PSMD11: variants seen among roughly 807,000 people sequenced by gnomAD.
PSMD11 encodes 26S proteasome non-ATPase regulatory subunit 11.
A neutral mutation model predicts 62.3 loss-of-function variants in PSMD11; 5 were observed. The ratio of observed to expected loss-of-function variants is 0.08; its 90% CI spans 0.04 to 0.17. PSMD11 has a LOEUF of 0.17. Among genes scored for constraint, PSMD11 ranks in the 10% least tolerant of loss-of-function variants. PSMD11 has a pLI of 1.00. For missense variants in PSMD11, 310 were observed against 512.9 expected (o/e 0.60, Z 3.82); for synonymous variants, 191 against 191.8 (o/e 1.00, Z 0.03).
intron 3 of PSMD11, among the ~76,000 whole-genome samples, chr17:32,457,515 C>T (rs563854077): frequency 2.0e-4 from 30 of 152,278 alleles, no homozygotes; most frequent in African/African-American, 1.4e-4. Context: ...GGATTACAGG[C>T]GTGCAGCACT....
chr17:32,448,991 C>T (rs1567851084), intron 2 of PSMD11, among the ~76,000 whole-genome samples: 1 of 152,114 alleles, frequency 6.6e-6, no homozygotes, highest in Non-Finnish European at 1.5e-5. Context: ...AAGGATTCCA[C>T]TTGTCTGTCA....
intron 2 of PSMD11, 125 bp downstream of exon 2, chr17:32,447,171 C>A: frequency 1.4e-6 from 1 of 720,820 alleles, no homozygotes; most frequent in Non-Finnish European, 2.1e-6. Context: ...ACTTGTTGAG[C>A]TTCAGTTTTT....
chr17:32,451,658 T>C (rs892146829), intron 2 of PSMD11, among the ~76,000 whole-genome samples: 1 of 152,244 alleles, frequency 6.6e-6, no homozygotes, highest in African/African-American at 2.4e-5. Flanking sequence ...GATTATTTGA[T>C]AAGGAGATAG....
Position 32,454,542 on chromosome 17 carries a change from A to C in PSMD11, c.241A>C (p.Ser81Arg). Residue 81 changes from serine to arginine, a missense_variant, in exon 3 of 14, where the codon AGC becomes CGC. Ser to Arg is a moderately radical substitution (Grantham distance 110). Transcript: ENST00000261712. ...KYVRPFLNSI[S>R]KAKAARLVRS... ...TGTACGACCCTTCTTGAATTCCATC[A>C]GCAAGGCTAAAGCAGCTCGCCTGGT... The C allele has an allele frequency of 1.2e-6, 2 of 1,614,068 alleles. No individual in the cohort carries two copies. Among genetic ancestry groups the C allele is most frequent in the Non-Finnish European group, 1.7e-6 (2 of 1,179,922 alleles).
Position 32,480,278 on chromosome 17 carries a change from T to G in PSMD11, c.1126+81T>G, listed in dbSNP as rs953502718. The G allele has an allele frequency of 1.9e-6, 3 of 1,554,698 alleles. No individual in the cohort carries two copies. In the African/African-American group the frequency reaches 4.1e-5, roughly 21 times the overall value. On this transcript the variant is annotated intron_variant, in intron 12 of 13. Transcript: ENST00000261712. ...AAGTTTATTTTCAAAGAAGATGTTC[T>G]ATTTGTTTCCCCCGATGGTTCACCC...
chr17:32,469,013 C>T lies in PSMD11; in HGVS notation c.463C>T (p.Arg155Trp), dbSNP rs200794922. The T allele has an allele frequency of 1.2e-5, 20 of 1,612,770 alleles. No homozygotes were observed. Among genetic ancestry groups the T allele is most frequent in the Non-Finnish European group, 1.5e-5 (18 of 1,179,624 alleles). ...EALHLGSQLL[R>W]ELKKMDDKAL... Reference sequence around the variant, plus strand: ...TCCTTTTTCAGGTTCTCAGCTGCTGCGGGAGTTGAAAAAGATGGACGACAA... The same window carrying T: ...TCCTTTTTCAGGTTCTCAGCTGCTGTGGGAGTTGAAAAAGATGGACGACAA... Residue 155 changes from arginine to tryptophan, a missense_variant, in exon 6 of 14, where the codon CGG becomes TGG. This residue lies in a region of PSMD11 where 47 missense variants were observed against 59.0 expected (regional missense o/e 0.80). Transcript: ENST00000261712.
chr17:32,476,029 T>C (rs931411377), intron 8 of PSMD11, among the ~76,000 whole-genome samples: 1 of 151,660 alleles, frequency 6.6e-6, no homozygotes, highest in African/African-American at 2.4e-5. Context: ...TTTGGGCGGC[T>C]GAGGTGGGCG....
At chr17:32,479,120 C>A in intron 9 of PSMD11, 131 bp from the exon 10 acceptor site, 1 of 1,208,302 alleles carries the variant, frequency 8.3e-7, no homozygotes. Context: ...TATCATGCAT[C>A]TCCCCAGATC....
chr17:32,453,622 G>T (rs563572618), intron 2 of PSMD11, among the ~76,000 whole-genome samples: 1 of 152,272 alleles, frequency 6.6e-6, no homozygotes, highest in East Asian at 1.9e-4. Flanking sequence ...GAGTTCTCAG[G>T]AGGGTGAGTC....
chr17:32,461,705 G>A (rs1307906156), intron 3 of PSMD11, among the ~76,000 whole-genome samples: 3 of 152,182 alleles, frequency 2.0e-5, no homozygotes, highest in Non-Finnish European at 4.4e-5. Context: ...GGTTAAGATA[G>A]GTAGAGTGCT....
chr17:32,461,423 TAGCTG>T (rs1567854420), intron 3 of PSMD11, among the ~76,000 whole-genome samples: 1 of 151,982 alleles, frequency 6.6e-6, no homozygotes. Context: ...ATACGAAAGT[TAGCTG>T]AGCATGGTGG....
chr17:32,477,657 T>C, intron 9 of PSMD11, 74 bp downstream of exon 9: 1 of 1,320,610 alleles, frequency 7.6e-7, no homozygotes. Context: ...AACACACTTT[T>C]AAAAATAATT....
In PSMD11 at chr17:32,464,516, C is replaced by T. The variant is rs759690059; in HGVS notation, c.391-5C>T. ...CCTTCAATCAATGCCTTTTCTCTTT[C>T]CTAGGCAAGACTGGTGTCTTTGTAC... On this transcript the variant is annotated splice_region_variant and splice_polypyrimidine_tract_variant and intron_variant, in intron 4 of 13. Coordinates refer to ENST00000261712, the MANE Select transcript of PSMD11 (RefSeq NM_002815.4). The T allele has an allele frequency of 1.9e-6, 3 of 1,596,978 alleles. No individual in the cohort carries two copies. The East Asian group carries it at 6.7e-5, about 36-fold the overall frequency.
chr17:32,479,512 C>T lies in PSMD11; in HGVS notation c.1038+136C>T, dbSNP rs552477243. The T allele has an allele frequency of 1.1e-3, 1,391 of 1,291,604 alleles. 26 individuals are homozygous for T. The South Asian group carries it at 0.019, about 18-fold the overall frequency. 80.0% of individuals were successfully genotyped at this position (1,291,604 alleles called of 1,614,324 possible). A position where few individuals can be genotyped will look rare whatever the true frequency, so the allele number is the denominator to read the frequency against. ...AAGAGGCCACCAAGAGCTTGGGCCT[C>T]TGTTGATAAAATGAACAAAAATCGA... On this transcript the variant is annotated intron_variant, in intron 10 of 13. Transcript: ENST00000261712.
intron 2 of PSMD11, among the ~76,000 whole-genome samples, chr17:32,450,559 G>A (rs1035987404): frequency 2.0e-5 from 3 of 151,472 alleles, no homozygotes; most frequent in South Asian, 2.1e-4. Context: ...GAGCCACCGC[G>A]CCCAGCCAAG....
At chr17:32,459,774 T>A (rs1424829517) in intron 3 of PSMD11, among the ~76,000 whole-genome samples, 4 of 152,150 alleles carry the variant, frequency 2.6e-5, no homozygotes, top group Non-Finnish European at 5.9e-5. Context: ...CAAGTGATTC[T>A]CCTGCCTTAG....
chr17:32,444,658 C>T (rs773238582), intron 1 of PSMD11, 44 bp downstream of exon 1: 4 of 1,603,672 alleles, frequency 2.5e-6, no homozygotes, highest in Non-Finnish European at 3.4e-6. Flanking sequence ...CGGCCCAGCT[C>T]GGCTTATGTC....
intron 2 of PSMD11, among the ~76,000 whole-genome samples, chr17:32,447,944 G>A (rs1164794641): frequency 6.6e-6 from 1 of 150,422 alleles, no homozygotes; most frequent in Non-Finnish European, 1.5e-5. Context: ...GCAGTGGTGC[G>A]ATCTTGGCTC....
At chr17:32,471,074 C>T (rs117167757) in intron 6 of PSMD11, among the ~76,000 whole-genome samples, 1,990 of 152,178 alleles carry the variant, frequency 0.013, 18 homozygotes, top group Admixed American at 0.023. Flanking sequence ...ACATGTATCT[C>T]GATGTGAAAG....
Sources: allele counts gnomAD v4.1 joint callset (sites outside exome capture counted in the v4.1 genomes callset), GRCh38; gene constraint gnomAD v4.1.1; regional missense constraint gnomAD v4.1.1; transcripts MANE v1.5; gene names NCBI Gene and HGNC (gene_info 2026-07-23, HGNC 2026-07-21).